Variants in ADORA2B observed in about 807,000 individuals in gnomAD.
ADORA2B encodes adenosine A2b receptor, also known as adenosine receptor A2b.
Under a neutral mutation model 20.8 loss-of-function variants are expected in ADORA2B, and 18 were observed. The observed-to-expected ratio is 0.87, with a 90% confidence interval of 0.60 to 1.29. The LOEUF is 1.29. Among genes scored for constraint, ADORA2B ranks in the 50% most tolerant of loss-of-function variants. The pLI, the probability that ADORA2B is intolerant of heterozygous loss-of-function variation, is 0.00. For synonymous variants in ADORA2B, 179 were observed against 178.3 expected, an observed-to-expected ratio of 1.00 and a Z score of -0.03; for missense variants, 441 against 422.7, an observed-to-expected ratio of 1.04 and a Z score of -0.38.
At chr17:15,879,540 CTTTT>C in the ADORA2B span, among the ~76,000 whole-genome samples, 2 of 139,452 alleles carry the variant, frequency 1.4e-5, no homozygotes, top group Non-Finnish European at 1.6e-5. Context: ...AAAGGATTTT[CTTTT>C]TTTTTTTTTT....
At chr17:15,930,226 A>G in the ADORA2B span, among the ~76,000 whole-genome samples, 3 of 150,360 alleles carry the variant, frequency 2.0e-5, no homozygotes, top group African/African-American at 4.9e-5. Flanking sequence ...TTAAATTTTT[A>G]TATATTTTTT....
chr17:15,963,374 C>T (rs1970063213), intron 1 of ADORA2B, among the ~76,000 whole-genome samples: 1 of 152,196 alleles, frequency 6.6e-6, no homozygotes, highest in Non-Finnish European at 1.5e-5. Flanking sequence ...GCAGACACCA[C>T]ATCAACCAAG....
chr17:15,933,778 A>ATG, the ADORA2B span, among the ~76,000 whole-genome samples: 1 of 142,748 alleles, frequency 7.0e-6, no homozygotes, highest in Non-Finnish European at 1.5e-5. Context: ...GTGTGTGTAT[A>ATG]TATATATATA....
intron 1 of ADORA2B, among the ~76,000 whole-genome samples, chr17:15,970,551 T>A (rs1970179097): frequency 6.6e-6 from 1 of 152,238 alleles, no homozygotes; most frequent in Non-Finnish European, 1.5e-5. Context: ...CTGATTTAGC[T>A]TCTGGTCTTT....
the ADORA2B span, among the ~76,000 whole-genome samples, chr17:15,872,708 C>G: frequency 2.6e-5 from 4 of 152,056 alleles, no homozygotes; most frequent in Non-Finnish European, 5.9e-5. Context: ...TCAGCTTCGT[C>G]GTTGTTGGTG....
the ADORA2B span, among the ~76,000 whole-genome samples, chr17:15,903,426 C>A: frequency 6.6e-6 from 1 of 152,194 alleles, no homozygotes; most frequent in South Asian, 2.1e-4. Flanking sequence ...CTGCTAAATT[C>A]ACCTTTTATG....
chr17:15,882,956 C>T, the ADORA2B span, among the ~76,000 whole-genome samples: 34 of 152,344 alleles, frequency 2.2e-4, no homozygotes, highest in Admixed American at 1.2e-3. Context: ...GCTGTTCCCT[C>T]TCCGTCCCCC....
chr17:15,856,742 C>G, the ADORA2B span, among the ~76,000 whole-genome samples: 1 of 152,138 alleles, frequency 6.6e-6, no homozygotes, highest in Non-Finnish European at 1.5e-5. Context: ...GGCATTTTGC[C>G]CCTGCCTTAG....
chr17:15,929,977 T>G, the ADORA2B span, among the ~76,000 whole-genome samples: 2 of 152,200 alleles, frequency 1.3e-5, no homozygotes, highest in East Asian at 3.8e-4. Context: ...ATGTACATTT[T>G]GGTTAATGCC....
At chr17:15,885,776 CTG>C in the ADORA2B span, among the ~76,000 whole-genome samples, 2 of 151,724 alleles carry the variant, frequency 1.3e-5, no homozygotes, top group East Asian at 3.9e-4. Flanking sequence ...GTTTTCATAA[CTG>C]TTTATTTCAG....
chr17:15,969,533 C>T (rs73978569), intron 1 of ADORA2B, among the ~76,000 whole-genome samples: 7,140 of 152,118 alleles, frequency 0.047, 169 homozygotes, highest in East Asian at 0.074. Flanking sequence ...GCAGTGTGCC[C>T]GCATCCACCA....
chr17:15,898,697 A>G, the ADORA2B span, among the ~76,000 whole-genome samples: 1 of 152,012 alleles, frequency 6.6e-6, no homozygotes, highest in African/African-American at 2.4e-5. Flanking sequence ...CTTTGTCTTA[A>G]GTTTTGTCTA....
At chr17:15,914,154 C>T in the ADORA2B span, among the ~76,000 whole-genome samples, 1 of 152,152 alleles carries the variant, frequency 6.6e-6, no homozygotes, top group Admixed American at 6.5e-5. Context: ...ACATTTTACT[C>T]CCACACATTT....
the ADORA2B span, among the ~76,000 whole-genome samples, chr17:15,938,619 T>G: frequency 6.6e-6 from 1 of 152,292 alleles, no homozygotes; most frequent in African/African-American, 2.4e-5. Context: ...AGTGTTTATA[T>G]CAGAGTTTCC....
At position 15,954,198 on chromosome 17, in the gene ADORA2B, C is replaced by T. The variant is rs373907102; in HGVS notation, c.335+8615C>T. On this transcript the variant is annotated intron_variant, in intron 1 of 1. Transcript: ENST00000304222. Reference sequence around the variant, plus strand: ...TTCACCATATTGGCCAGGCTGGTCTCGAACTCCTGACCTCAGGTGATCCAC... The same window carrying T: ...TTCACCATATTGGCCAGGCTGGTCTTGAACTCCTGACCTCAGGTGATCCAC... 2.8e-4 allele frequency among the ~76,000 whole-genome samples: 43 copies of T among 152,154 alleles called. 1 individual carries two copies. The South Asian group carries it at 4.4e-3, about 15-fold the overall frequency.
At chr17:15,882,253 G>T in the ADORA2B span, among the ~76,000 whole-genome samples, 1 of 152,158 alleles carries the variant, frequency 6.6e-6, no homozygotes, top group African/African-American at 2.4e-5. Flanking sequence ...CCCCCTGGAG[G>T]TGGTGGCCGG....
the ADORA2B span, among the ~76,000 whole-genome samples, chr17:15,867,884 A>G: frequency 5.8e-4 from 88 of 152,212 alleles, no homozygotes; most frequent in Middle Eastern, 0.02. Flanking sequence ...TCAACAGCTC[A>G]TTGAGAACGG....
At chr17:15,857,147 T>A in the ADORA2B span, among the ~76,000 whole-genome samples, 1 of 152,232 alleles carries the variant, frequency 6.6e-6, no homozygotes, top group Non-Finnish European at 1.5e-5. Context: ...ATGTACAGCT[T>A]GGGCCATTGC....
At chr17:15,890,763 G>T in the ADORA2B span, among the ~76,000 whole-genome samples, 1 of 151,906 alleles carries the variant, frequency 6.6e-6, no homozygotes, top group Non-Finnish European at 1.5e-5. Context: ...CAGCCCCACT[G>T]GCTAAGAAGG....
Sources: gnomAD v4.1 joint callset for allele counts (sites outside exome capture counted in the v4.1 genomes callset) on GRCh38, gnomAD v4.1.1 for gene constraint, MANE v1.5 for transcripts, NCBI Gene and HGNC (gene_info 2026-07-23, HGNC 2026-07-21) for gene names.